KCNT2: variants seen among roughly 807,000 people sequenced by gnomAD.
KCNT2 encodes the protein potassium channel subfamily T member 2.
A neutral mutation model predicts 153.8 loss-of-function variants in KCNT2; 67 were observed. The observed-to-expected ratio is 0.44, with a 90% CI of 0.36 to 0.53. KCNT2 has a LOEUF of 0.53. KCNT2 is among the 20% of genes least tolerant of loss of function. The probability of loss-of-function intolerance (pLI) is 0.00; values close to 1 mark genes in which losing one functional copy is unlikely to be tolerated. For synonymous variants in KCNT2, 500 were observed against 458.8 expected (o/e 1.09, Z -1.15); for missense variants, 975 against 1,354.8 (o/e 0.72, Z 4.40).
chr1:196,515,617 T>G (rs1044227584), intron 1 of KCNT2, among the ~76,000 whole-genome samples: 1 of 152,156 alleles, frequency 6.6e-6, no homozygotes, highest in South Asian at 2.1e-4. Flanking sequence ...ATTTACCTCA[T>G]TAAAAAACAA....
chr1:196,587,801 G>C (rs916612269), intron 1 of KCNT2, among the ~76,000 whole-genome samples: 2 of 151,998 alleles, frequency 1.3e-5, no homozygotes, highest in Admixed American at 6.6e-5. Flanking sequence ...CTACGCAATG[G>C]CATGGGTAGG....
At chr1:196,230,209 A>G (rs1388776871) in intron 27 of KCNT2, among the ~76,000 whole-genome samples, 1 of 151,988 alleles carries the variant, frequency 6.6e-6, no homozygotes, top group Non-Finnish European at 1.5e-5. Flanking sequence ...GCATTCGGTG[A>G]CTTTCAGTTG....
chr1:196,484,832 C>T (rs1481571822), intron 3 of KCNT2, among the ~76,000 whole-genome samples: 1 of 152,046 alleles, frequency 6.6e-6, no homozygotes, highest in East Asian at 1.9e-4. Context: ...ATTAGGAACG[C>T]TTTTACACTG....
intron 27 of KCNT2, among the ~76,000 whole-genome samples, chr1:196,233,440 A>G (rs1336944255): frequency 1.3e-5 from 2 of 151,444 alleles, no homozygotes; most frequent in Non-Finnish European, 3.0e-5. Context: ...CTGCCCTAAA[A>G]CAAAACACTC....
chr1:196,439,344 A>T (rs12069715), intron 8 of KCNT2, among the ~76,000 whole-genome samples: 2,292 of 152,086 alleles, frequency 0.015, 18 homozygotes, highest in Middle Eastern at 0.024. Context: ...TTTGTCCTTA[A>T]ACACTTTTTC....
intron 19 of KCNT2, 56 bp downstream of exon 19, chr1:196,326,661 A>T (rs529105362): frequency 9.7e-7 from 1 of 1,028,388 alleles, no homozygotes; most frequent in African/African-American, 1.7e-5. Context: ...TTTGATATAC[A>T]TTAACATACT....
intron 13 of KCNT2, among the ~76,000 whole-genome samples, chr1:196,389,302 A>T (rs1162106320): frequency 6.6e-6 from 1 of 151,692 alleles, no homozygotes; most frequent in Non-Finnish European, 1.5e-5. Context: ...TTCTTTTCTC[A>T]TGATGTCTTT....
At chr1:196,412,228 C>T (rs1337584101) in intron 12 of KCNT2, among the ~76,000 whole-genome samples, 1 of 151,706 alleles carries the variant, frequency 6.6e-6, no homozygotes, top group Non-Finnish European at 1.5e-5. Flanking sequence ...ACATTGTACA[C>T]ATTTATTTAA....
At chr1:196,283,814 C>A (rs1029323355) in intron 23 of KCNT2, among the ~76,000 whole-genome samples, 1 of 151,978 alleles carries the variant, frequency 6.6e-6, no homozygotes, top group Non-Finnish European at 1.5e-5. Context: ...AATAGTACAG[C>A]AAATTATGAG....
At chr1:196,285,260 G>A in intron 23 of KCNT2, among the ~76,000 whole-genome samples, 1 of 152,000 alleles carries the variant, frequency 6.6e-6, no homozygotes, top group East Asian at 1.9e-4. Context: ...CATCAATTTG[G>A]TATTTTATTT....
chr1:196,437,507 A>G (rs920014181), intron 8 of KCNT2, among the ~76,000 whole-genome samples: 1 of 148,330 alleles, frequency 6.7e-6, no homozygotes, highest in Non-Finnish European at 1.5e-5. Flanking sequence ...TTTTAAATTA[A>G]AAATTTTTTT....
rs1678405286 is a variant in KCNT2 at position 196,474,995 on chromosome 1, C to T, written c.384+4184G>A. The stretch of plus-strand genomic sequence containing the variant: ...TTTAAGTTGGTCTGGTTTTCAAAAC[C>T]TACAGTCTCAATGAAAGTTTAAACT... On this transcript the variant is annotated intron_variant, in intron 5 of 27. Transcript: ENST00000294725. 2.6e-5 allele frequency among the ~76,000 whole-genome samples: 4 copies of T among 152,244 alleles called. No homozygotes were observed. In the South Asian group the frequency reaches 8.3e-4, roughly 32 times the overall value.
intron 1 of KCNT2, among the ~76,000 whole-genome samples, chr1:196,538,889 T>C (rs1025306040): frequency 2.6e-5 from 4 of 152,218 alleles, no homozygotes; most frequent in Non-Finnish European, 5.9e-5. Context: ...CAATTGAAAA[T>C]TAACTTTGAA....
At chr1:196,323,907 T>C (rs926071104) in intron 19 of KCNT2, among the ~76,000 whole-genome samples, 3 of 151,016 alleles carry the variant, frequency 2.0e-5, no homozygotes, top group African/African-American at 7.3e-5. Flanking sequence ...TTTTTTGTAA[T>C]ATTGTAGGAT....
At chr1:196,503,640 G>T (rs1009518148) in intron 1 of KCNT2, among the ~76,000 whole-genome samples, 1 of 152,170 alleles carries the variant, frequency 6.6e-6, no homozygotes, top group Non-Finnish European at 1.5e-5. Context: ...AGTCCAATAT[G>T]GGGAGAAATA....
At chr1:196,565,485 C>T (rs114815852) in intron 1 of KCNT2, among the ~76,000 whole-genome samples, 8,632 of 151,678 alleles carry the variant, frequency 0.057, 389 homozygotes, top group Non-Finnish European at 0.085. Flanking sequence ...ACCTGCACTA[C>T]TATGTTCATG....
At chr1:196,549,821 A>C (rs529004595) in intron 1 of KCNT2, among the ~76,000 whole-genome samples, 105 of 152,030 alleles carry the variant, frequency 6.9e-4, no homozygotes, top group Admixed American at 1.4e-3. Flanking sequence ...ATGGAGGCTA[A>C]ACTAAACAGC....
chr1:196,492,141 G>C, intron 2 of KCNT2, 121 bp downstream of exon 2: 2 of 1,007,218 alleles, frequency 2.0e-6, no homozygotes, highest in Non-Finnish European at 1.3e-6. Context: ...TCTACCACCT[G>C]CTGGAAAAAA....
chr1:196,435,606 C>T (rs1052952078), intron 8 of KCNT2, among the ~76,000 whole-genome samples: 1 of 151,474 alleles, frequency 6.6e-6, no homozygotes, highest in Non-Finnish European at 1.5e-5. Context: ...ACTTTGCTAC[C>T]ATGTTGACGT....
Sources: allele counts gnomAD v4.1 joint callset (sites outside exome capture counted in the v4.1 genomes callset), GRCh38; gene constraint gnomAD v4.1.1; transcripts MANE v1.5; gene names NCBI Gene and HGNC (gene_info 2026-07-23, HGNC 2026-07-21).